TYW3: variants seen among roughly 807,000 people sequenced by gnomAD.
TYW3 encodes the protein tRNA-yW synthesizing protein 3 homolog.
A neutral mutation model predicts 23.1 loss-of-function variants in TYW3; 26 were observed. That is an observed-to-expected ratio of 1.13 (90% CI 0.83 to 1.56). The LOEUF is 1.56. Ranked by LOEUF, TYW3 falls within the 40% of genes most tolerant of loss-of-function variation. The pLI, the probability that TYW3 is intolerant of heterozygous loss-of-function variation, is 0.00. For synonymous variants in TYW3, 102 were observed against 105.7 expected (o/e 0.97, Z 0.21); for missense variants, 316 against 311.9 (o/e 1.01, Z -0.10).
chr1:74,751,717 T>C (rs1648792818), intron 4 of TYW3, among the ~76,000 whole-genome samples: 1 of 152,046 alleles, frequency 6.6e-6, no homozygotes, highest in Admixed American at 6.5e-5. Context: ...ATTCTCATAA[T>C]AATTTTTATA....
At chr1:74,738,115 A>C (rs899033566) in intron 2 of TYW3, among the ~76,000 whole-genome samples, 4 of 130,958 alleles carry the variant, frequency 3.1e-5, no homozygotes, top group African/African-American at 5.5e-5. Flanking sequence ...GGGAAAAAAA[A>C]ACAAACAAAA....
intron 1 of TYW3, among the ~76,000 whole-genome samples, chr1:74,734,577 G>C (rs1557740270): frequency 1.3e-5 from 2 of 152,188 alleles, no homozygotes; most frequent in Admixed American, 6.5e-5. Context: ...GTGAAATTGT[G>C]AAGTGAAGAA....
At chr1:74,748,168 G>T (rs1338996391) in intron 3 of TYW3, among the ~76,000 whole-genome samples, 9 of 151,924 alleles carry the variant, frequency 5.9e-5, no homozygotes, top group Non-Finnish European at 1.3e-4. Flanking sequence ...TTCAGATATT[G>T]CCAGATGGCC....
chr1:74,750,839 C>T (rs1038908747), intron 4 of TYW3, among the ~76,000 whole-genome samples: 7 of 110,442 alleles, frequency 6.3e-5, no homozygotes, highest in South Asian at 6.6e-4. Context: ...TAGAGTTTCA[C>T]TCTTATTGCC....
intron 3 of TYW3, among the ~76,000 whole-genome samples, chr1:74,748,189 A>C (rs1164019290): frequency 6.6e-6 from 1 of 152,130 alleles, no homozygotes; most frequent in Non-Finnish European, 1.5e-5. Flanking sequence ...CCTGGGGTTC[A>C]AAATTATTCT....
chr1:74,755,045 T>C (rs1309127371), intron 5 of TYW3, among the ~76,000 whole-genome samples: 1 of 152,202 alleles, frequency 6.6e-6, no homozygotes, highest in Non-Finnish European at 1.5e-5. Context: ...CCATGTGCTT[T>C]TCACCAACTG....
At chr1:74,761,192 TACTGTTTCTCAAAGG>T (rs1649127018) in intron 5 of TYW3, among the ~76,000 whole-genome samples, 2 of 152,146 alleles carry the variant, frequency 1.3e-5, no homozygotes, top group Admixed American at 6.5e-5. Flanking sequence ...ACTTACTGAG[TACTGTTTCTCAAAGG>T]ACTTTTAAAG....
intron 5 of TYW3, among the ~76,000 whole-genome samples, chr1:74,753,367 C>A (rs144131829): frequency 2.4e-3 from 366 of 152,316 alleles, no homozygotes; most frequent in African/African-American, 8.2e-3. Context: ...TTTATCAAAT[C>A]ATGTTTGTAA....
At chr1:74,736,744 A>C (rs990650408) in intron 2 of TYW3, 122 bp downstream of exon 2, 1 of 738,582 alleles carries the variant, frequency 1.4e-6, no homozygotes, top group African/African-American at 1.8e-5. Context: ...AAGATTATAA[A>C]ACCTAGAGAG....
chr1:74,754,467 G>A (rs578209417), intron 5 of TYW3, among the ~76,000 whole-genome samples: 2 of 152,186 alleles, frequency 1.3e-5, no homozygotes, highest in South Asian at 4.2e-4. Context: ...GAGCTCCTTT[G>A]GGAACAGCTG....
rs74095166 is a variant in TYW3 at position 74,734,535 on chromosome 1, G to C, written c.174+1117G>C. On this transcript the variant is annotated intron_variant, in intron 1 of 5. Coordinates refer to ENST00000370867, the MANE Select transcript of TYW3 (RefSeq NM_138467.3). ...AGAAAAAACAGCATATGCTGAGGTT[G>C]CTAAGATCTACGGAAAGAATGAATC... 9.8e-3 allele frequency among the ~76,000 whole-genome samples: 1,487 copies of C among 152,310 alleles called. 32 individuals carry two copies. The highest frequency in any genetic ancestry group is 0.034 in the African/African-American group (1,401 of 41,564).
intron 5 of TYW3, among the ~76,000 whole-genome samples, chr1:74,755,357 C>T (rs931455592): frequency 2.0e-5 from 3 of 152,198 alleles, no homozygotes; most frequent in African/African-American, 7.2e-5. Flanking sequence ...GTACTCCATT[C>T]CCCTGGTAAT....
chr1:74,736,406 C>G, intron 1 of TYW3, 136 bp from the exon 2 acceptor site: 1 of 553,932 alleles, frequency 1.8e-6, no homozygotes, highest in South Asian at 5.5e-5. Context: ...AAAAACATAC[C>G]GAATTGTTTT....
chr1:74,757,865 T>C (rs1649004778), intron 5 of TYW3, among the ~76,000 whole-genome samples: 1 of 152,300 alleles, frequency 6.6e-6, no homozygotes, highest in Middle Eastern at 3.4e-3. Flanking sequence ...GGAGTCTTCC[T>C]GCACAAGCTC....
intron 5 of TYW3, among the ~76,000 whole-genome samples, chr1:74,760,907 A>C (rs1649116376): frequency 6.6e-6 from 1 of 152,238 alleles, no homozygotes; most frequent in Admixed American, 6.5e-5. Context: ...ACGTTGAAAA[A>C]CAAGAATTCA....
chr1:74,748,798 G>C lies in TYW3; in HGVS notation c.402G>C (p.Val134=). The change falls in exon 4 of 6, where the codon GTG becomes GTC. Residue 134 remains valine, a synonymous_variant. Transcript: ENST00000370867. The part of the protein sequence containing the change: ...DSGFRNSGIT[V]GKRGKTMLAV... The stretch of plus-strand genomic sequence containing the variant: ...GTTTCAGGAACTCTGGCATAACGGT[G>C]GGAAAGAGAGGAAAAACTATGTTGG... 1 of 1,613,992 alleles carries C rather than the reference G, an allele frequency of 6.2e-7. No individual in the cohort carries two copies.
intron 5 of TYW3, among the ~76,000 whole-genome samples, chr1:74,753,000 C>A (rs893896889): frequency 1.5e-4 from 23 of 152,142 alleles, no homozygotes; most frequent in African/African-American, 5.6e-4. Flanking sequence ...TTCATCGTTA[C>A]CTCCTGGCAA....
chr1:74,757,650 A>G (rs111274516), intron 5 of TYW3, among the ~76,000 whole-genome samples: 7,445 of 151,542 alleles, frequency 0.049, 362 homozygotes, highest in African/African-American at 0.12. Context: ...ACTTTGGACT[A>G]TGGACTTTTG....
intron 3 of TYW3, among the ~76,000 whole-genome samples, chr1:74,748,218 C>T (rs1231164035): frequency 6.6e-6 from 1 of 152,124 alleles, no homozygotes; most frequent in Non-Finnish European, 1.5e-5. Context: ...AACTACTGAG[C>T]TGGAGAAAAT....
Sources: gnomAD v4.1 joint callset for allele counts (sites outside exome capture counted in the v4.1 genomes callset) on GRCh38, gnomAD v4.1.1 for gene constraint, MANE v1.5 for transcripts, NCBI Gene and HGNC (gene_info 2026-07-23, HGNC 2026-07-21) for gene names.